The following EFL1 variants were observed in gnomAD, a reference collection of about 807,000 sequenced individuals.
EFL1 encodes elongation factor like GTPase 1.
EFL1 carries 76 observed loss-of-function variants against 126.7 expected under a neutral mutation model. The observed-to-expected ratio is 0.60, with a 90% CI of 0.50 to 0.73. EFL1 has a LOEUF of 0.73. Ranked by LOEUF, EFL1 falls within the 30% of genes least tolerant of loss-of-function variation. The pLI, the probability that EFL1 is intolerant of heterozygous loss-of-function variation, is 0.00. For synonymous variants in EFL1, 410 were observed against 448.4 expected (o/e 0.91, Z 1.08); for missense variants, 1,128 against 1,343.2 (o/e 0.84, Z 2.50).
intron 2 of EFL1, 110 bp from the exon 3 acceptor site, chr15:82,259,265 C>G: frequency 1.1e-6 from 1 of 907,716 alleles, no homozygotes; most frequent in Non-Finnish European, 1.8e-6. Flanking sequence ...TAAAGATTTT[C>G]TATTTACCTA....
intron 4 of EFL1, among the ~76,000 whole-genome samples, chr15:82,244,947 G>C (rs993026845): frequency 2.0e-5 from 3 of 152,108 alleles, no homozygotes; most frequent in Non-Finnish European, 4.4e-5. Context: ...TGAACCTCCT[G>C]AAAGTGTCCT....
chr15:82,241,467 G>A (rs1195586861), intron 4 of EFL1, 64 bp from the exon 5 acceptor site: 97 of 1,530,182 alleles, frequency 6.3e-5, no homozygotes, highest in East Asian at 1.8e-4. Context: ...TTCCTCAGGC[G>A]TTCTAGAATA....
intron 19 of EFL1, among the ~76,000 whole-genome samples, chr15:82,134,948 T>C (rs188739587): frequency 3.3e-4 from 51 of 152,328 alleles, no homozygotes; most frequent in Middle Eastern, 6.8e-3. Flanking sequence ...TGTGGTAGAA[T>C]ACAAATGAAA....
At chr15:82,220,017 T>C in intron 13 of EFL1, 61 bp downstream of exon 13, 1 of 1,529,480 alleles carries the variant, frequency 6.5e-7, no homozygotes. Context: ...AAAGGATGAG[T>C]GTCCCAAGTT....
intron 19 of EFL1, 132 bp from the exon 20 acceptor site, chr15:82,130,693 G>A: frequency 1.1e-6 from 1 of 937,632 alleles, no homozygotes; most frequent in East Asian, 2.6e-5. Flanking sequence ...AGCTTGCTAG[G>A]AATGGTAATA....
intron 5 of EFL1, among the ~76,000 whole-genome samples, chr15:82,240,807 T>C (rs969450835): frequency 3.3e-5 from 5 of 152,180 alleles, no homozygotes; most frequent in Non-Finnish European, 7.3e-5. Flanking sequence ...CTCAGCACTC[T>C]GGGAGGCTGA....
chr15:82,158,764 CTATT>C (rs1398351214), intron 16 of EFL1, among the ~76,000 whole-genome samples: 1 of 152,146 alleles, frequency 6.6e-6, no homozygotes, highest in Non-Finnish European at 1.5e-5. Context: ...ACTTCTATAC[CTATT>C]TATTTTTGAA....
At chr15:82,130,610 C>G in intron 19 of EFL1, 49 bp from the exon 20 acceptor site, 1 of 1,592,580 alleles carries the variant, frequency 6.3e-7, no homozygotes, top group Non-Finnish European at 8.6e-7. Flanking sequence ...TTTTTAATTT[C>G]AAACCTTATT....
chr15:82,228,198 A>G lies in EFL1; in HGVS notation c.1062T>C (p.Ala354=). ...CATTAGAATAAAGGATACCAAGAAC[A>G]GCATGGGATATGGGTAGCCACTGAC... is the stretch of plus-strand genomic sequence containing the variant. ...ICSQWLPISH[A]VLAMVCQKLP... is the part of the protein sequence containing the mutation. The change falls in exon 10 of 20, where the codon GCT becomes GCC. Residue 354 remains alanine, a synonymous_variant. Coordinates refer to ENST00000268206, the MANE Select transcript of EFL1 (RefSeq NM_024580.6). 1.2e-6 allele frequency: 2 copies of G among 1,609,930 alleles called. No individual in the cohort carries two copies. The highest frequency in any genetic ancestry group is 2.2e-5 in the South Asian group (2 of 90,094).
chr15:82,197,898 T>G (rs1008779490), intron 15 of EFL1, among the ~76,000 whole-genome samples: 1 of 152,022 alleles, frequency 6.6e-6, no homozygotes, highest in Non-Finnish European at 1.5e-5. Context: ...CTGCCCTGCC[T>G]GCCAACCTGC....
Position 82,220,101 on chromosome 15 carries a change from C to A in EFL1, c.1421G>T (p.Cys474Phe), listed in dbSNP as rs565500025. Residue 474 changes from cysteine to phenylalanine, a missense_variant, in exon 13 of 20, where the codon TGT (cysteine) becomes TTT (phenylalanine). Coordinates refer to ENST00000268206, the MANE Select transcript of EFL1 (RefSeq NM_024580.6). ...ACCTCTTGGCTCCTCTCCTTTTGGA[C>A]ATGTTTCAATGGCACTCCCATCTTG... ...PTQDGSAIET[C>F]PKGEEPRGDE... 1 of 1,610,768 alleles carries A rather than the reference C, an allele frequency of 6.2e-7. No individual in the cohort carries two copies. Among genetic ancestry groups the A allele is most frequent in the East Asian group, 2.2e-5 (1 of 44,854 alleles).
chr15:82,214,780 G>C lies in EFL1; in HGVS notation c.1687C>G (p.Leu563Val). ...AGTTCCCTTCCCATCAGAAGATACA[G>C]GTTTTCCAGAGCACAGTATGCCATG... is the stretch of plus-strand genomic sequence containing the variant. ...PHMAYCALEN[L>V]YLLMGRELEY... The change falls in exon 15 of 20, where the codon CTG becomes GTG. Residue 563 changes from leucine to valine, a missense_variant. Leu to Val is a conservative substitution (Grantham distance 32). This residue lies in a region of EFL1 where 120 missense variants were observed against 142.1 expected (regional missense o/e 0.84). Coordinates refer to ENST00000268206, the MANE Select transcript of EFL1 (RefSeq NM_024580.6). The C allele has an allele frequency of 6.2e-7, 1 of 1,601,186 alleles. No individual in the cohort carries two copies. The highest frequency in any genetic ancestry group is 8.5e-7 in the Non-Finnish European group (1 of 1,174,096).
intron 3 of EFL1, among the ~76,000 whole-genome samples, chr15:82,253,962 GA>G (rs1180669620): frequency 1.3e-5 from 2 of 152,016 alleles, no homozygotes; most frequent in Admixed American, 6.6e-5. Flanking sequence ...TCAAACTTTT[GA>G]AAAATTCTTA....
chr15:82,213,374 C>T (rs536195690), intron 15 of EFL1, among the ~76,000 whole-genome samples: 2 of 152,284 alleles, frequency 1.3e-5, no homozygotes, highest in African/African-American at 2.4e-5. Context: ...TTTGTCTCCC[C>T]GTACCATATG....
chr15:82,195,406 T>C (rs774916798), intron 15 of EFL1, among the ~76,000 whole-genome samples: 35 of 152,178 alleles, frequency 2.3e-4, no homozygotes, highest in Non-Finnish European at 4.1e-4. Context: ...TATCTACTAA[T>C]GAAAAACACA....
intron 18 of EFL1, among the ~76,000 whole-genome samples, chr15:82,141,590 G>A (rs933643007): frequency 9.9e-5 from 15 of 151,606 alleles, no homozygotes; most frequent in African/African-American, 3.1e-4. Context: ...ATCGCTTGGA[G>A]GAGAACTTGG....
intron 15 of EFL1, among the ~76,000 whole-genome samples, chr15:82,174,573 T>A (rs2074173965): frequency 1.3e-5 from 2 of 152,208 alleles, no homozygotes. Flanking sequence ...TGGTCTCACC[T>A]CTGGATTGCC....
At position 82,261,739 on chromosome 15, in the gene EFL1, T is replaced by C. The variant is rs1194417774; in HGVS notation, c.40A>G (p.Lys14Glu). ...ATATTCCTGATGTTGGCAGTGTTTT[T>C]CTGGAGTTGAATCATCTTATCCAAA... ...NSLDKMIQLQ[K>E]NTANIRNICV... The change falls in exon 2 of 20, where the codon AAA becomes GAA. Residue 14 changes from lysine to glutamate, a missense_variant. By Grantham distance (56) the Lys-to-Glu change is moderately conservative (BLOSUM62 1). This residue lies in a region of EFL1 where 118 missense variants were observed against 188.1 expected (regional missense o/e 0.63). Transcript: ENST00000268206. The C allele has an allele frequency of 2.5e-6, 4 of 1,614,040 alleles. No individual in the cohort carries two copies. The African/African-American group carries it at 5.3e-5, about 22-fold the overall frequency.
intron 18 of EFL1, among the ~76,000 whole-genome samples, chr15:82,144,898 C>A (rs778818291): frequency 1.3e-5 from 2 of 151,578 alleles, no homozygotes; most frequent in Non-Finnish European, 2.9e-5. Context: ...GAAGTTAAGG[C>A]AGGAGAATTG....
Sources: gnomAD v4.1 joint callset for allele counts (sites outside exome capture counted in the v4.1 genomes callset) on GRCh38, gnomAD v4.1.1 for gene constraint, gnomAD v4.1.1 regional missense constraint, MANE v1.5 for transcripts, NCBI Gene and HGNC (gene_info 2026-07-23, HGNC 2026-07-21) for gene names.